Variants in HECW2 observed in about 807,000 individuals in gnomAD.
HECW2 encodes the protein HECT, C2 and WW domain containing E3 ubiquitin protein ligase 2, also known as E3 ubiquitin-protein ligase HECW2.
A neutral mutation model predicts 175.2 loss-of-function variants in HECW2; 61 were observed. The ratio of observed to expected loss-of-function variants is 0.35; its 90% CI spans 0.28 to 0.43. The LOEUF (loss-of-function observed/expected upper bound fraction) is 0.43, where lower values mean the gene tolerates loss of function less well. Among genes scored for constraint, HECW2 ranks in the 20% least tolerant of loss-of-function variants. The probability of loss-of-function intolerance (pLI) is 1.00; values close to 1 mark genes in which losing one functional copy is unlikely to be tolerated. For synonymous variants in HECW2, 671 were observed against 731.0 expected (o/e 0.92, Z 1.32); for missense variants, 1,524 against 2,000.5 (o/e 0.76, Z 4.54).
At chr2:196,223,640 C>T (rs1687748802) in intron 23 of HECW2, among the ~76,000 whole-genome samples, 1 of 152,002 alleles carries the variant, frequency 6.6e-6, no homozygotes, top group Admixed American at 6.6e-5. Context: ...TTCAGAACTA[C>T]CAAAAGATTT....
intron 1 of HECW2, among the ~76,000 whole-genome samples, chr2:196,553,499 CA>C (rs1247240149): frequency 1.3e-5 from 2 of 152,188 alleles, no homozygotes; most frequent in African/African-American, 4.8e-5. Flanking sequence ...AGATAATAAG[CA>C]AGTAAGCAGA....
At chr2:196,589,708 T>C (rs952844901) in intron 1 of HECW2, among the ~76,000 whole-genome samples, 2 of 152,206 alleles carry the variant, frequency 1.3e-5, no homozygotes, top group East Asian at 3.9e-4. Flanking sequence ...GACCAGACAC[T>C]AGATCTTGAA....
intron 19 of HECW2, among the ~76,000 whole-genome samples, chr2:196,250,011 C>A (rs1292581796): frequency 6.6e-6 from 1 of 152,182 alleles, no homozygotes. Flanking sequence ...GTGAACTCAG[C>A]CACATTTAGA....
intron 18 of HECW2, among the ~76,000 whole-genome samples, chr2:196,255,231 A>T (rs1369010755): frequency 7.2e-6 from 1 of 139,394 alleles, no homozygotes; most frequent in African/African-American, 2.7e-5. Flanking sequence ...CCTCATCATG[A>T]TCCGCCTGCC....
intron 1 of HECW2, among the ~76,000 whole-genome samples, chr2:196,456,325 G>A (rs1460492631): frequency 6.6e-6 from 1 of 152,134 alleles, no homozygotes; most frequent in African/African-American, 2.4e-5. Flanking sequence ...CATATTTACT[G>A]AACATTTATA....
rs746985026 is a variant in HECW2, at chr2:196,308,035, C to T, written c.2485G>A (p.Val829Ile). 15 of 1,600,434 alleles carry T rather than the reference C, an allele frequency of 9.4e-6. No homozygotes were observed. The highest frequency in any genetic ancestry group is 1.3e-5 in the African/African-American group (1 of 74,810). ...CGCTGCCACGTCGTGGTTCTGTTTACGTGATCCACGTAGAAGATCCTGCCG... is the reference window on the plus strand; with the variant it reads ...CGCTGCCACGTCGTGGTTCTGTTTATGTGATCCACGTAGAAGATCCTGCCG... ...SHGRIFYVDH[V>I]NRTTTWQRPT... Residue 829 changes from valine to isoleucine, a missense_variant, in exon 11 of 29, where the codon GTA (valine) becomes ATA (isoleucine). By Grantham distance (29) the Val-to-Ile change is conservative. Coordinates refer to ENST00000644978, the MANE Select transcript of HECW2 (RefSeq NM_001348768.2).
chr2:196,456,713 T>G (rs1470702712), intron 1 of HECW2, among the ~76,000 whole-genome samples: 1 of 152,212 alleles, frequency 6.6e-6, no homozygotes, highest in East Asian at 1.9e-4. Context: ...GACACTTTCC[T>G]TGAATTAGAG....
intron 1 of HECW2, among the ~76,000 whole-genome samples, chr2:196,459,538 G>T (rs954025366): frequency 2.0e-5 from 3 of 151,764 alleles, no homozygotes; most frequent in Non-Finnish European, 4.4e-5. Flanking sequence ...TCCCAACCAT[G>T]ACCAGACAGG....
At chr2:196,242,639 A>C (rs141844748) in intron 19 of HECW2, 3 of 152,518 alleles carry the variant, frequency 2.0e-5, no homozygotes, top group African/African-American at 7.3e-5. Context: ...GTGAGGTTTT[A>C]ATCATTCACT....
chr2:196,347,753 G>T (rs1198156857), intron 2 of HECW2, among the ~76,000 whole-genome samples: 1 of 152,236 alleles, frequency 6.6e-6, no homozygotes, highest in Admixed American at 6.5e-5. Context: ...AAGGAAAGCT[G>T]CTGCGTTATT....
chr2:196,406,195 T>G (rs1182652934), intron 2 of HECW2, among the ~76,000 whole-genome samples: 1 of 152,164 alleles, frequency 6.6e-6, no homozygotes, highest in Non-Finnish European at 1.5e-5. Context: ...TCTTGACATA[T>G]TCACCAAGAT....
chr2:196,564,694 G>A lies in HECW2; in HGVS notation c.-36+28814C>T, dbSNP rs191966021. On this transcript the variant is annotated intron_variant, in intron 1 of 28. Coordinates refer to ENST00000644978, the MANE Select transcript of HECW2 (RefSeq NM_001348768.2). ...ATTTTTAATTTAAACATTCACTACT[G>A]TTTTTTCTTATTCCCTCTTAACCTT... 3.2e-3 allele frequency among the ~76,000 whole-genome samples: 489 copies of A among 151,950 alleles called. 1 individual carries two copies. Among genetic ancestry groups the A allele is most frequent in the Non-Finnish European group, 5.3e-3 (358 of 67,920 alleles).
At chr2:196,408,444 G>A (rs1395784215) in intron 2 of HECW2, among the ~76,000 whole-genome samples, 2 of 152,176 alleles carry the variant, frequency 1.3e-5, no homozygotes, top group African/African-American at 4.8e-5. Flanking sequence ...TACTCTCTAA[G>A]TGGTCATGAT....
intron 14 of HECW2, chr2:196,290,142 C>T (rs1317241859): frequency 1.3e-5 from 2 of 152,098 alleles, no homozygotes; most frequent in African/African-American, 2.4e-5. Context: ...GAGGTCAGCT[C>T]TCTACCAGCC....
chr2:196,553,347 G>C (rs1260036299), intron 1 of HECW2, among the ~76,000 whole-genome samples: 1 of 152,162 alleles, frequency 6.6e-6, no homozygotes, highest in African/African-American at 2.4e-5. Context: ...TAACCTGTGG[G>C]TACTTGGCAC....
chr2:196,273,049 ATT>A (rs778348590), intron 16 of HECW2, among the ~76,000 whole-genome samples: 5 of 113,124 alleles, frequency 4.4e-5, no homozygotes, highest in Non-Finnish European at 6.9e-5. Flanking sequence ...AGCTGGTCTA[ATT>A]TTTTTTTTTT....
chr2:196,547,270 A>T (rs544808445), intron 1 of HECW2, among the ~76,000 whole-genome samples: 1 of 152,254 alleles, frequency 6.6e-6, no homozygotes, highest in Non-Finnish European at 1.5e-5. Flanking sequence ...CATGTTCAGA[A>T]GGCTGGACTC....
intron 3 of HECW2, among the ~76,000 whole-genome samples, chr2:196,335,031 AATAGAGGAAAAGC>A (rs1692501209): frequency 1.3e-5 from 2 of 152,228 alleles, no homozygotes; most frequent in Non-Finnish European, 2.9e-5. Context: ...TCTCAATGGA[AATAGAGGAAAAGC>A]AGTCTAACAA....
intron 26 of HECW2, chr2:196,218,169 A>C (rs1002842431): frequency 6.6e-6 from 1 of 152,220 alleles, no homozygotes; most frequent in African/African-American, 2.4e-5. Context: ...TGTAGCTTTA[A>C]AGTTTTTTGA....
Sources: gnomAD v4.1 joint callset for allele counts (sites outside exome capture counted in the v4.1 genomes callset) on GRCh38, gnomAD v4.1.1 for gene constraint, MANE v1.5 for transcripts, NCBI Gene and HGNC (gene_info 2026-07-23, HGNC 2026-07-21) for gene names.